The following PABPC4L variants were observed in gnomAD, a reference collection of about 807,000 sequenced individuals.
The protein encoded by PABPC4L is polyadenylate-binding protein 4-like.
For missense variants in PABPC4L, 452 were observed against 451.4 expected (o/e 1.00, Z -0.01); for synonymous variants, 169 against 164.1 (o/e 1.03, Z -0.23).
chr4:134,056,277 C>T, the PABPC4L span, among the ~76,000 whole-genome samples: 1 of 151,820 alleles, frequency 6.6e-6, no homozygotes. Flanking sequence ...GAGTGTTTCC[C>T]CCTATTTTAT....
At chr4:134,163,486 A>T in the PABPC4L span, among the ~76,000 whole-genome samples, 1 of 152,268 alleles carries the variant, frequency 6.6e-6, no homozygotes, top group Admixed American at 6.5e-5. Flanking sequence ...GAAGGAAATC[A>T]TCTCTTATTC....
the PABPC4L span, among the ~76,000 whole-genome samples, chr4:134,006,519 A>C: frequency 6.6e-6 from 1 of 151,818 alleles, no homozygotes; most frequent in Non-Finnish European, 1.5e-5. Flanking sequence ...CAGCCCAGCT[A>C]CTTTTGTCTC....
At chr4:134,091,274 T>C in the PABPC4L span, among the ~76,000 whole-genome samples, 18 of 152,108 alleles carry the variant, frequency 1.2e-4, no homozygotes, top group South Asian at 3.7e-3. Context: ...GCCACTGTAA[T>C]TGACTTCTTT....
chr4:133,986,026 G>A, the PABPC4L span, among the ~76,000 whole-genome samples: 1 of 151,834 alleles, frequency 6.6e-6, no homozygotes. Context: ...AATACTCAAG[G>A]GAGAATAAAC....
At chr4:134,173,159 C>CAAAAA in the PABPC4L span, among the ~76,000 whole-genome samples, 22 of 77,856 alleles carry the variant, frequency 2.8e-4, no homozygotes, top group Admixed American at 4.6e-4. Flanking sequence ...GGAGATTCCT[C>CAAAAA]AAAAAAAAAA....
the PABPC4L span, among the ~76,000 whole-genome samples, chr4:134,157,782 CTT>C: frequency 6.6e-6 from 1 of 151,674 alleles, no homozygotes; most frequent in Non-Finnish European, 1.5e-5. Flanking sequence ...AGGTCTGTCA[CTT>C]ATATAAAGTG....
At chr4:134,118,600 CAAAT>C in the PABPC4L span, among the ~76,000 whole-genome samples, 36 of 151,376 alleles carry the variant, frequency 2.4e-4, no homozygotes, top group African/African-American at 8.2e-4. Flanking sequence ...GAATTTCAAA[CAAAT>C]AGGTAAAAAA....
At chr4:133,958,984 C>T in the PABPC4L span, among the ~76,000 whole-genome samples, 1 of 152,202 alleles carries the variant, frequency 6.6e-6, no homozygotes, top group Non-Finnish European at 1.5e-5. Flanking sequence ...CATACTTCTT[C>T]ACAACTATTC....
At chr4:134,164,634 C>G in the PABPC4L span, among the ~76,000 whole-genome samples, 1 of 151,952 alleles carries the variant, frequency 6.6e-6, no homozygotes, top group South Asian at 2.1e-4. Context: ...TCTATACAAA[C>G]GAATATAAAT....
chr4:133,950,630 C>G, the PABPC4L span, among the ~76,000 whole-genome samples: 1 of 152,082 alleles, frequency 6.6e-6, no homozygotes, highest in Non-Finnish European at 1.5e-5. Context: ...TTGAGCGGCC[C>G]CTATCTTGCC....
chr4:134,097,894 G>A, the PABPC4L span, among the ~76,000 whole-genome samples: 22 of 151,836 alleles, frequency 1.4e-4, no homozygotes, highest in African/African-American at 5.1e-4. Flanking sequence ...AAACTTGTTT[G>A]GACTTACTCC....
the PABPC4L span, among the ~76,000 whole-genome samples, chr4:134,181,655 T>C: frequency 6.6e-6 from 1 of 152,006 alleles, no homozygotes; most frequent in Non-Finnish European, 1.5e-5. Context: ...CTAGATATGA[T>C]AAACTACTTC....
At chr4:134,146,754 G>A in the PABPC4L span, among the ~76,000 whole-genome samples, 1 of 152,086 alleles carries the variant, frequency 6.6e-6, no homozygotes, top group African/African-American at 2.4e-5. Flanking sequence ...AAGGCAGTGT[G>A]TGCTGATTGG....
the PABPC4L span, among the ~76,000 whole-genome samples, chr4:134,165,834 C>A: frequency 2.6e-5 from 4 of 152,078 alleles, no homozygotes; most frequent in African/African-American, 9.7e-5. Context: ...TACTTGCACA[C>A]GTATGCTTAT....
chr4:134,152,118 A>T, the PABPC4L span, among the ~76,000 whole-genome samples: 1 of 151,764 alleles, frequency 6.6e-6, no homozygotes, highest in East Asian at 1.9e-4. Context: ...TTTGTTAGAG[A>T]TATTTATTGT....
chr4:134,054,062 A>G, the PABPC4L span, among the ~76,000 whole-genome samples: 2 of 151,674 alleles, frequency 1.3e-5, no homozygotes, highest in African/African-American at 4.8e-5. Context: ...CAAAGAAGTG[A>G]GTATAAATTA....
chr4:134,182,376 G>A, the PABPC4L span, among the ~76,000 whole-genome samples: 1 of 151,946 alleles, frequency 6.6e-6, no homozygotes, highest in Non-Finnish European at 1.5e-5. Flanking sequence ...TATAAATGGT[G>A]CTGGGATAAC....
At chr4:134,026,210 AT>A in the PABPC4L span, among the ~76,000 whole-genome samples, 10 of 151,664 alleles carry the variant, frequency 6.6e-5, no homozygotes, top group African/African-American at 2.4e-4. Flanking sequence ...TAGCTGAAAT[AT>A]TTAATGTATA....
the PABPC4L span, among the ~76,000 whole-genome samples, chr4:134,095,767 A>G: frequency 6.6e-6 from 1 of 151,862 alleles, no homozygotes; most frequent in Middle Eastern, 3.2e-3. Context: ...TTTAGTACCT[A>G]TACACATTCC....
Sources: gnomAD v4.1 joint callset for allele counts (sites outside exome capture counted in the v4.1 genomes callset) on GRCh38, gnomAD v4.1.1 for gene constraint, MANE v1.5 for transcripts, NCBI Gene and HGNC (gene_info 2026-07-23, HGNC 2026-07-21) for gene names.